Variants in PRAMEF17 observed in about 807,000 individuals in gnomAD.
PRAMEF17 encodes the protein PRAME family member 17.
A neutral mutation model predicts 36.8 loss-of-function variants in PRAMEF17; 48 were observed. The ratio of observed to expected loss-of-function variants is 1.30; its 90% CI spans 1.03 to 1.66. The LOEUF (loss-of-function observed/expected upper bound fraction) is 1.66, where lower values mean the gene tolerates loss of function less well. Among genes scored for constraint, PRAMEF17 ranks in the 40% most tolerant of loss-of-function variants. PRAMEF17 has a pLI of 0.00. For missense variants in PRAMEF17, 639 were observed against 560.6 expected (o/e 1.14, Z -1.41); for synonymous variants, 246 against 220.4 (o/e 1.12, Z -1.03).
Position 13,389,745 on chromosome 1 carries a change from G to T in PRAMEF17, c.88G>T (p.Glu30Ter). The T allele has an allele frequency of 5.6e-6, 9 of 1,612,314 alleles. No homozygotes were observed. The highest frequency in any genetic ancestry group is 6.8e-6 in the Non-Finnish European group (8 of 1,180,014). ...NQFLTIFILD[E>*]LPREVFPLMF... The stretch of plus-strand genomic sequence containing the variant: ...GTTCTTGACCATCTTCATCCTGGAC[G>T]AGCTGCCCAGGGAGGTCTTCCCTCT... The change falls in exon 1 of 3, where the codon GAG (glutamate) becomes TAG (stop). Residue 30 changes from glutamate (E) to a stop codon, truncating the protein, a stop_gained. Transcript: ENST00000376098. LOFTEE classifies it high-confidence loss of function.
chr1:13,390,656 G>A lies in PRAMEF17; in HGVS notation c.603G>A (p.Arg201=). ...PTSSFRNLLK[R]VYPDSIQELE... ...CAAGTTTCAGAAATTTATTGAAAAG[G>A]GTATACCCAGACAGTATCCAGGAGT... Residue 201 remains arginine (R), a synonymous_variant, in exon 2 of 3, where the codon AGG becomes AGA. Coordinates refer to ENST00000376098, the MANE Select transcript of PRAMEF17 (RefSeq NM_001099851.3). 6.2e-7 allele frequency: 1 copy of A among 1,611,944 alleles called. No individual in the cohort carries two copies. The highest frequency in any genetic ancestry group is 2.2e-5 in the East Asian group (1 of 44,874).
chr1:13,390,370 G>C lies in PRAMEF17; in HGVS notation c.317G>C (p.Arg106Pro), dbSNP rs372986169. ...TGGAAACTTCAAGTGCTGGATTTGCGGGATGTTGATGGGAATTTCTGGACT... is the reference window on the plus strand; with the variant it reads ...TGGAAACTTCAAGTGCTGGATTTGCCGGATGTTGATGGGAATTTCTGGACT... ...RRWKLQVLDL[R>P]DVDGNFWTIW... The change falls in exon 2 of 3, where the codon CGG becomes CCG. Residue 106 changes from arginine to proline, a missense_variant. Coordinates refer to ENST00000376098, the MANE Select transcript of PRAMEF17 (RefSeq NM_001099851.3). 97 of 1,611,800 alleles carry C rather than the reference G, an allele frequency of 6.0e-5. No homozygotes were observed. Among genetic ancestry groups the C allele is most frequent in the Non-Finnish European group, 8.1e-5 (95 of 1,179,832 alleles).
At chr1:13,391,735 G>A (rs531163062) in intron 2 of PRAMEF17, among the ~76,000 whole-genome samples, 1 of 152,300 alleles carries the variant, frequency 6.6e-6, no homozygotes, top group Admixed American at 6.5e-5. Context: ...TCATCAGGCA[G>A]CACCTTGCAC....
At position 13,392,047 on chromosome 1, in the gene PRAMEF17, G is replaced by T; in HGVS notation, c.970G>T (p.Glu324Ter). 6.2e-7 allele frequency: 1 copy of T among 1,611,786 alleles called. No individual in the cohort carries two copies. Among genetic ancestry groups the T allele is most frequent in the South Asian group, 1.1e-5 (1 of 90,958 alleles). ...SQYPSLSQLK[E>*]LHLIHILMWT... Reference sequence around the variant, plus strand: ...GTACCCAAGCCTCAGTCAGCTAAAGGAGCTGCATCTGATTCATATCCTAAT... The same window carrying T: ...GTACCCAAGCCTCAGTCAGCTAAAGTAGCTGCATCTGATTCATATCCTAAT... The change falls in exon 3 of 3, where the codon GAG becomes TAG. Residue 324 changes from glutamate to a stop codon, truncating the protein, a stop_gained. Coordinates refer to ENST00000376098, the MANE Select transcript of PRAMEF17 (RefSeq NM_001099851.3). LOFTEE classifies it high-confidence loss of function.
At position 13,392,267 on chromosome 1, in the gene PRAMEF17, T is replaced by C; in HGVS notation, c.1190T>C (p.Leu397Pro). The C allele has an allele frequency of 4.3e-6, 7 of 1,611,996 alleles. No homozygotes were observed. The highest frequency in any genetic ancestry group is 5.9e-6 in the Non-Finnish European group (7 of 1,179,848). ...ACCTCCACGAATGCTCTGAAAGACC[T>C]GCTGTGTCACACAGGTGGGCTGAGC... is the stretch of plus-strand genomic sequence containing the variant. ...NETSTNALKD[L>P]LCHTGGLSKL... The change falls in exon 3 of 3, where the codon CTG becomes CCG. Residue 397 changes from leucine to proline, a missense_variant. By Grantham distance (98) the Leu-to-Pro change is moderately conservative (BLOSUM62 -3). Transcript: ENST00000376098.
intron 2 of PRAMEF17, 49 bp from the exon 3 acceptor site, chr1:13,391,895 C>A: frequency 6.2e-7 from 1 of 1,601,968 alleles, no homozygotes; most frequent in Non-Finnish European, 8.5e-7. Context: ...TCCCACCCCC[C>A]TCCTCCAACT....
At chr1:13,391,838 G>C in intron 2 of PRAMEF17, 106 bp from the exon 3 acceptor site, 1 of 1,499,608 alleles carries the variant, frequency 6.7e-7, no homozygotes, top group East Asian at 2.3e-5. Context: ...TGGTAGTAAG[G>C]TGCAGAATTA....
chr1:13,391,851 C>G, intron 2 of PRAMEF17, 93 bp from the exon 3 acceptor site: 1 of 1,547,440 alleles, frequency 6.5e-7, no homozygotes, highest in Non-Finnish European at 8.8e-7. Context: ...CAGAATTACT[C>G]AATGCCCACT....
chr1:13,391,813 A>C (rs1640886631), intron 2 of PRAMEF17, 131 bp from the exon 3 acceptor site: 2 of 1,361,794 alleles, frequency 1.5e-6, no homozygotes, highest in South Asian at 2.7e-5. Flanking sequence ...ATTGCAGGTT[A>C]CTACAACACC....
chr1:13,390,559 G>T lies in PRAMEF17; in HGVS notation c.506G>T (p.Arg169Met). The T allele has an allele frequency of 6.2e-7, 1 of 1,611,994 alleles. No individual in the cohort carries two copies. The highest frequency in any genetic ancestry group is 8.5e-7 in the Non-Finnish European group (1 of 1,179,864). Reference protein sequence around the residue: ...TLDECLSYLCRWIHYRRGLVH... With the variant: ...TLDECLSYLCMWIHYRRGLVH... ...GATGAATGCCTGAGCTACCTCTGCA[G>T]GTGGATCCACTACAGAAGAGGTCTA... is the stretch of plus-strand genomic sequence containing the variant. Residue 169 changes from arginine (R) to methionine (M), a missense_variant, in exon 2 of 3, where the codon AGG becomes ATG. By Grantham distance (91) the Arg-to-Met change is moderately conservative. Transcript: ENST00000376098.
Position 13,390,854 on chromosome 1 carries a change from C to G in PRAMEF17, c.801C>G (p.Tyr267Ter). The G allele has an allele frequency of 6.2e-7, 1 of 1,612,034 alleles. No homozygotes were observed. Among genetic ancestry groups the G allele is most frequent in the Non-Finnish European group, 8.5e-7 (1 of 1,179,874 alleles). The change falls in exon 2 of 3, where the codon TAC becomes TAG. Residue 267 changes from tyrosine to a stop codon, truncating the protein, a stop_gained. Coordinates refer to ENST00000376098, the MANE Select transcript of PRAMEF17 (RefSeq NM_001099851.3). LOFTEE classifies it high-confidence loss of function. Reference sequence around the variant, plus strand: ...TGGACTGTCCATTCCTCTGCCTGTACTACCCTCAGATGCTTTATATAAGAA... The same window carrying G: ...TGGACTGTCCATTCCTCTGCCTGTAGTACCCTCAGATGCTTTATATAAGAA... ...PDLDCPFLCLYYPQMLYIRKI... is the reference protein window; with the variant it reads ...PDLDCPFLCL
chr1:13,392,560 C>A lies in PRAMEF17; in HGVS notation c.*58C>A. On this transcript the variant is annotated 3_prime_UTR_variant, in exon 3 of 3. Coordinates refer to ENST00000376098, the MANE Select transcript of PRAMEF17 (RefSeq NM_001099851.3). Reference sequence around the variant, plus strand: ...CTTCAGGACCCTTAGGCACTAAAATCTAGGACACAGGTGGGTTTTTTTGTT... The same window carrying A: ...CTTCAGGACCCTTAGGCACTAAAATATAGGACACAGGTGGGTTTTTTTGTT... The A allele has an allele frequency of 2.3e-5, 37 of 1,602,988 alleles. No individual in the cohort carries two copies. Among genetic ancestry groups the A allele is most frequent in the Non-Finnish European group, 3.1e-5 (37 of 1,176,798 alleles).
In PRAMEF17 at chr1:13,392,089, G is replaced by C. The variant is rs35947245; in HGVS notation, c.1012G>C (p.Glu338Gln). 2,278 of 1,611,804 alleles carry C rather than the reference G, an allele frequency of 1.4e-3. 6 individuals carry two copies. The highest frequency in any genetic ancestry group is 2.3e-3 in the South Asian group (209 of 90,968). The change falls in exon 3 of 3, where the codon GAG becomes CAG. Residue 338 changes from glutamate (E) to glutamine (Q), a missense_variant. Glu to Gln is a conservative substitution (Grantham distance 29). Transcript: ENST00000376098. ...TATCCTAATGTGGACTACCAATCTT[G>C]AGCCCCTTGGAGCTCTGCTAGAGAA... ...IHILMWTTNL[E>Q]PLGALLEKVA...
chr1:13,390,037 G>A (rs1640859109), intron 1 of PRAMEF17, 93 bp downstream of exon 1: 9 of 1,581,296 alleles, frequency 5.7e-6, no homozygotes, highest in South Asian at 1.1e-5. Context: ...GGGAGCTAGG[G>A]TGGCTCAGAG....
At position 13,392,601 on chromosome 1, in the gene PRAMEF17, T is replaced by G. The variant is rs943995053; in HGVS notation, c.*99T>G. On this transcript the variant is annotated 3_prime_UTR_variant, in exon 3 of 3. Transcript: ENST00000376098. ...TTTTTTTGTTTTTTTGTTTTTTTTT[T>G]GATGGAGTCTCGCTCTGTCCCTCAG... is the stretch of plus-strand genomic sequence containing the variant. 6.6e-7 allele frequency: 1 copy of G among 1,517,896 alleles called. No individual in the cohort carries two copies. 94.0% of individuals were successfully genotyped at this position (1,517,896 alleles called of 1,614,324 possible). A position where few individuals can be genotyped will look rare whatever the true frequency, so the allele number is the denominator to read the frequency against.
At position 13,389,770 on chromosome 1, in the gene PRAMEF17, T is replaced by A; in HGVS notation, c.113T>A (p.Leu38Gln). ...GAGCTGCCCAGGGAGGTCTTCCCTC[T>A]GATGTTCATGGAGGCCTCCAGCATG... is the stretch of plus-strand genomic sequence containing the variant. ...LDELPREVFPLMFMEASSMRH... is the reference protein window; with the variant it reads ...LDELPREVFPQMFMEASSMRH... Residue 38 changes from leucine to glutamine, a missense_variant, in exon 1 of 3, where the codon CTG (leucine) becomes CAG (glutamine). Coordinates refer to ENST00000376098, the MANE Select transcript of PRAMEF17 (RefSeq NM_001099851.3). 6.2e-7 allele frequency: 1 copy of A among 1,612,758 alleles called. No homozygotes were observed. Among genetic ancestry groups the A allele is most frequent in the African/African-American group, 1.3e-5 (1 of 74,998 alleles).
At chr1:13,391,612 C>G (rs1252425368) in intron 2 of PRAMEF17, among the ~76,000 whole-genome samples, 3 of 152,084 alleles carry the variant, frequency 2.0e-5, no homozygotes, top group Non-Finnish European at 2.9e-5. Context: ...GAGGTTGTCT[C>G]CTGAAAGATA....
Position 13,390,429 on chromosome 1 carries a change from C to G in PRAMEF17, c.376C>G (p.Pro126Ala). ...TGGAGCCAGGGCCCTCTCCTGCTCC[C>G]CAGAGGCCATGAGTAAGAGGCAGAC... ...WSGARALSCS[P>A]EAMSKRQTVE... Residue 126 changes from proline (P) to alanine (A), a missense_variant, in exon 2 of 3, where the codon CCA (proline) becomes GCA (alanine). By Grantham distance (27) the Pro-to-Ala change is conservative. Coordinates refer to ENST00000376098, the MANE Select transcript of PRAMEF17 (RefSeq NM_001099851.3). 2 of 1,611,920 alleles carry G rather than the reference C, an allele frequency of 1.2e-6. No homozygotes were observed. Among genetic ancestry groups the G allele is most frequent in the South Asian group, 1.1e-5 (1 of 90,992 alleles).
rs1413059377 is a variant in PRAMEF17 at position 13,392,309 on chromosome 1, T to G, written c.1232T>G (p.Leu411Trp). Reference sequence around the variant, plus strand: ...GGGCTGAGCAAGTTAGGTCTGGAGTTGTATCCTGCCCCTCTGGAGTGTCTT... The same window carrying G: ...GGGCTGAGCAAGTTAGGTCTGGAGTGGTATCCTGCCCCTCTGGAGTGTCTT... ...TGGLSKLGLE[L>W]YPAPLECLDN... The change falls in exon 3 of 3, where the codon TTG becomes TGG. Residue 411 changes from leucine to tryptophan, a missense_variant. Coordinates refer to ENST00000376098, the MANE Select transcript of PRAMEF17 (RefSeq NM_001099851.3). 12 of 1,611,894 alleles carry G rather than the reference T, an allele frequency of 7.4e-6. No homozygotes were observed. Among genetic ancestry groups the G allele is most frequent in the African/African-American group, 1.3e-5 (1 of 74,844 alleles).
Sources: gnomAD v4.1 joint callset for allele counts (sites outside exome capture counted in the v4.1 genomes callset) on GRCh38, gnomAD v4.1.1 for gene constraint, MANE v1.5 for transcripts, NCBI Gene and HGNC (gene_info 2026-07-23, HGNC 2026-07-21) for gene names.